Variants in TYR observed in about 807,000 individuals in gnomAD.
TYR encodes the protein LB24-AB.
In TYR, 58 loss-of-function variants were observed where a neutral mutation model predicts 51.5. That is an observed-to-expected ratio of 1.13 (90% CI 0.91 to 1.40). The LOEUF (loss-of-function observed/expected upper bound fraction) is 1.40, where lower values mean the gene tolerates loss of function less well. Ranked by LOEUF, TYR falls within the 40% of genes most tolerant of loss-of-function variation. TYR has a pLI of 0.00. For synonymous variants in TYR, 263 were observed against 235.2 expected (o/e 1.12, Z -1.08); for missense variants, 732 against 647.4 (o/e 1.13, Z -1.42).
intron 3 of TYR, among the ~76,000 whole-genome samples, chr11:89,277,682 G>A (rs1355034032): frequency 1.3e-5 from 2 of 151,638 alleles, no homozygotes; most frequent in Non-Finnish European, 3.0e-5. Context: ...TCTGCATCTG[G>A]TAATACAAAC....
chr11:89,200,727 C>A (rs1943586867), intron 2 of TYR: 1 of 152,020 alleles, frequency 6.6e-6, no homozygotes, highest in African/African-American at 2.4e-5. Flanking sequence ...CTTCTACATT[C>A]AATATATTAT....
intron 2 of TYR, among the ~76,000 whole-genome samples, chr11:89,202,622 T>TACACACACACACAAACACACACACACAC (rs58419100): frequency 7.1e-6 from 1 of 141,280 alleles, no homozygotes; most frequent in Non-Finnish European, 1.5e-5. Flanking sequence ...ATTTTCATAA[T>TACACACACACACAAACACACACACACAC]ACACACACAC....
chr11:89,186,103 T>C (rs986713820), intron 1 of TYR, among the ~76,000 whole-genome samples: 2 of 152,078 alleles, frequency 1.3e-5, no homozygotes, highest in Non-Finnish European at 2.9e-5. Context: ...ATCAGAGTCA[T>C]GGAATGGAGA....
intron 3 of TYR, among the ~76,000 whole-genome samples, chr11:89,271,618 C>T (rs1460583752): frequency 6.6e-6 from 1 of 151,712 alleles, no homozygotes; most frequent in Non-Finnish European, 1.5e-5. Flanking sequence ...GGAGTGGATG[C>T]AACAATTTCT....
At chr11:89,222,999 G>A (rs369307539) in intron 2 of TYR, among the ~76,000 whole-genome samples, 2 of 152,082 alleles carry the variant, frequency 1.3e-5, no homozygotes, top group Admixed American at 6.6e-5. Flanking sequence ...AGCTAAAAAT[G>A]ACAAGTCCAC....
chr11:89,196,146 A>G (rs924545740), intron 2 of TYR, among the ~76,000 whole-genome samples: 4 of 152,230 alleles, frequency 2.6e-5, no homozygotes, highest in Non-Finnish European at 4.4e-5. Context: ...CAAAGGGCAC[A>G]ACAGTATTGT....
intron 3 of TYR, among the ~76,000 whole-genome samples, chr11:89,240,829 T>A (rs1293932398): frequency 6.6e-6 from 1 of 152,270 alleles, no homozygotes; most frequent in East Asian, 1.9e-4. Flanking sequence ...GATTAATAGG[T>A]AAGTTACAAA....
At chr11:89,202,263 T>G (rs1263110212) in intron 2 of TYR, among the ~76,000 whole-genome samples, 1 of 152,052 alleles carries the variant, frequency 6.6e-6, no homozygotes, top group African/African-American at 2.4e-5. Flanking sequence ...CTCTCTCTGG[T>G]GGCTGTTGAG....
intron 3 of TYR, among the ~76,000 whole-genome samples, chr11:89,233,631 G>C (rs530601895): frequency 7.0e-6 from 1 of 141,978 alleles, no homozygotes; most frequent in Non-Finnish European, 1.5e-5. Context: ...ACATAGATAC[G>C]TGTTAGCAGG....
chr11:89,202,622 T>TACACACACACACAC (rs10526067), intron 2 of TYR, among the ~76,000 whole-genome samples: 3,983 of 141,298 alleles, frequency 0.028, 105 homozygotes, highest in African/African-American at 0.066. Context: ...ATTTTCATAA[T>TACACACACACACAC]ACACACACAC....
At chr11:89,238,758 G>C (rs1052717360) in intron 3 of TYR, among the ~76,000 whole-genome samples, 1 of 152,052 alleles carries the variant, frequency 6.6e-6, no homozygotes, top group African/African-American at 2.4e-5. Context: ...ATTGAGGTAC[G>C]TTCCATCTAT....
intron 3 of TYR, among the ~76,000 whole-genome samples, chr11:89,236,224 T>TCACA (rs1387892425): frequency 7.5e-6 from 1 of 132,544 alleles, no homozygotes; most frequent in East Asian, 2.1e-4. Flanking sequence ...CCATACACAC[T>TCACA]CACACACACA....
chr11:89,206,590 C>A (rs938124913), intron 2 of TYR, among the ~76,000 whole-genome samples: 1 of 152,102 alleles, frequency 6.6e-6, no homozygotes, highest in Non-Finnish European at 1.5e-5. Flanking sequence ...GGCAAAACAT[C>A]TGCAGTGATA....
At chr11:89,201,837 A>T (rs1029774248) in intron 2 of TYR, among the ~76,000 whole-genome samples, 8 of 152,210 alleles carry the variant, frequency 5.3e-5, no homozygotes, top group Non-Finnish European at 1.0e-4. Flanking sequence ...GGGATTGTAG[A>T]ATAATTTCTT....
At chr11:89,258,693 A>C (rs1232440220) in intron 3 of TYR, among the ~76,000 whole-genome samples, 4 of 152,132 alleles carry the variant, frequency 2.6e-5, no homozygotes, top group Non-Finnish European at 5.9e-5. Flanking sequence ...TTGTACATTT[A>C]ATTGTAAACA....
intron 1 of TYR, among the ~76,000 whole-genome samples, chr11:89,180,865 C>T (rs1366634013): frequency 6.6e-6 from 1 of 152,096 alleles, no homozygotes; most frequent in Non-Finnish European, 1.5e-5. Context: ...TTACAAAGTC[C>T]TTAAAATAGT....
chr11:89,269,851 G>A (rs1352068305), intron 3 of TYR, among the ~76,000 whole-genome samples: 4 of 151,792 alleles, frequency 2.6e-5, no homozygotes, highest in African/African-American at 9.7e-5. Flanking sequence ...CATTAGCCAG[G>A]AATCAGGAGG....
At chr11:89,264,704 G>A (rs1944503734) in intron 3 of TYR, among the ~76,000 whole-genome samples, 1 of 150,750 alleles carries the variant, frequency 6.6e-6, no homozygotes, top group African/African-American at 2.5e-5. Flanking sequence ...AAGAAAATGT[G>A]GTACACATAC....
chr11:89,272,277 T>A (rs2135315661), intron 3 of TYR, among the ~76,000 whole-genome samples: 1 of 152,044 alleles, frequency 6.6e-6, no homozygotes, highest in African/African-American at 2.4e-5. Context: ...CCTTAATCCA[T>A]GGGCTGCTGA....
Sources: gnomAD v4.1 joint callset for allele counts (sites outside exome capture counted in the v4.1 genomes callset) on GRCh38, gnomAD v4.1.1 for gene constraint, MANE v1.5 for transcripts, NCBI Gene and HGNC (gene_info 2026-07-23, HGNC 2026-07-21) for gene names.